Variants in SH3RF1 observed in about 807,000 individuals in gnomAD.
The protein encoded by SH3RF1 is SH3 domain containing ring finger 1.
SH3RF1 carries 32 observed loss-of-function variants against 74.0 expected under a neutral mutation model. That is an observed-to-expected ratio of 0.43 (90% confidence interval 0.33 to 0.58). The LOEUF (loss-of-function observed/expected upper bound fraction) is 0.58. Ranked by LOEUF, SH3RF1 falls within the 20% of genes least tolerant of loss-of-function variation. The pLI is 0.05. For missense variants in SH3RF1, 954 were observed against 1,130.9 expected, an observed-to-expected ratio of 0.84 and a Z score of 2.24; for synonymous variants, 396 against 439.6, an observed-to-expected ratio of 0.90 and a Z score of 1.24.
rs189580491 is a variant in SH3RF1, at chr4:169,214,121, G to A, written c.393+54699C>T. Among the ~76,000 whole-genome samples, 354 of 152,278 alleles carry A rather than the reference G, an allele frequency of 2.3e-3. 1 individual carries two copies. Among genetic ancestry groups the A allele is most frequent in the African/African-American group, 7.6e-3 (316 of 41,554 alleles). On this transcript the variant is annotated intron_variant, in intron 2 of 11. Coordinates refer to ENST00000284637, the MANE Select transcript of SH3RF1 (RefSeq NM_020870.4). ...CTCAATGTTGGAGGTGGGGCCTCGAGGGAAGTGTTTGGGTCATGGGGGCGC... is the reference window on the plus strand; with the variant it reads ...CTCAATGTTGGAGGTGGGGCCTCGAAGGAAGTGTTTGGGTCATGGGGGCGC...
intron 10 of SH3RF1, among the ~76,000 whole-genome samples, chr4:169,110,656 T>G (rs1162237439): frequency 6.6e-6 from 1 of 152,056 alleles, no homozygotes; most frequent in East Asian, 1.9e-4. Context: ...CCTAAAACAC[T>G]GAAGAAAATC....
chr4:169,217,869 A>G (rs1229115966), intron 2 of SH3RF1, among the ~76,000 whole-genome samples: 1 of 152,204 alleles, frequency 6.6e-6, no homozygotes, highest in Admixed American at 6.5e-5. Flanking sequence ...AAACAAAAAA[A>G]AGTTTAATGA....
chr4:169,129,941 C>T, intron 6 of SH3RF1, 105 bp downstream of exon 6: 1 of 840,372 alleles, frequency 1.2e-6, no homozygotes, highest in Non-Finnish European at 1.9e-6. Context: ...CCCACCTCAC[C>T]TAACAAGTAT....
chr4:169,136,734 T>G, intron 4 of SH3RF1, 114 bp from the exon 5 acceptor site: 3 of 1,153,288 alleles, frequency 2.6e-6, no homozygotes, highest in Non-Finnish European at 3.5e-6. Context: ...CTTTAAAGTT[T>G]GCCTATGCAG....
chr4:169,190,995 AG>A (rs1734695271), intron 2 of SH3RF1, among the ~76,000 whole-genome samples: 1 of 152,240 alleles, frequency 6.6e-6, no homozygotes, highest in Non-Finnish European at 1.5e-5. Flanking sequence ...CAATAGATGC[AG>A]AAAAAGCATT....
chr4:169,227,935 T>C (rs1015185438), intron 2 of SH3RF1, among the ~76,000 whole-genome samples: 1 of 152,234 alleles, frequency 6.6e-6, no homozygotes, highest in African/African-American at 2.4e-5. Context: ...AAGGGAACTC[T>C]ACAAATCACA....
At chr4:169,211,595 A>AT (rs1314694107) in intron 2 of SH3RF1, among the ~76,000 whole-genome samples, 1 of 152,216 alleles carries the variant, frequency 6.6e-6, no homozygotes, top group Non-Finnish European at 1.5e-5. Context: ...TCTACTATGA[A>AT]TAAGGGACGA....
At chr4:169,232,718 T>C (rs1730762205) in intron 2 of SH3RF1, among the ~76,000 whole-genome samples, 2 of 152,308 alleles carry the variant, frequency 1.3e-5, no homozygotes, top group East Asian at 1.9e-4. Flanking sequence ...GGGAGTTGAT[T>C]GGGTAAATTT....
chr4:169,246,705 C>T (rs1730999486), intron 2 of SH3RF1, among the ~76,000 whole-genome samples: 1 of 152,196 alleles, frequency 6.6e-6, no homozygotes, highest in African/African-American at 2.4e-5. Context: ...ATCAAATTAC[C>T]AAGGAGCAAA....
intron 2 of SH3RF1, among the ~76,000 whole-genome samples, chr4:169,164,948 G>A (rs1734211294): frequency 6.6e-6 from 1 of 152,170 alleles, no homozygotes. Context: ...GATAGCTATT[G>A]AGAATGCAGT....
rs114144112 is a variant in SH3RF1, at chr4:169,211,645, G to A, written c.394-54966C>T. Among the ~76,000 whole-genome samples, 523 of 152,152 alleles carry A rather than the reference G, an allele frequency of 3.4e-3. 4 individuals are homozygous for A. The highest frequency in any genetic ancestry group is 0.012 in the African/African-American group (506 of 41,540). ...TAGTACAATTCAAATGAAGGCCTGC[G>A]TGCTTCTAGAGCATTTTTCATAATT... On this transcript the variant is annotated intron_variant, in intron 2 of 11. Coordinates refer to ENST00000284637, the MANE Select transcript of SH3RF1 (RefSeq NM_020870.4).
At chr4:169,123,513 A>G (rs1392329204) in intron 6 of SH3RF1, among the ~76,000 whole-genome samples, 1 of 152,230 alleles carries the variant, frequency 6.6e-6, no homozygotes, top group Non-Finnish European at 1.5e-5. Context: ...AGTGCAAACC[A>G]GGAGAAGGCA....
intron 4 of SH3RF1, among the ~76,000 whole-genome samples, chr4:169,139,346 AAC>A (rs1278484585): frequency 6.6e-6 from 1 of 152,224 alleles, no homozygotes; most frequent in East Asian, 1.9e-4. Context: ...GCATAAAAAT[AAC>A]ACAGTGCTTT....
intron 2 of SH3RF1, among the ~76,000 whole-genome samples, chr4:169,183,759 A>AAC (rs1554007658): frequency 8.6e-5 from 13 of 151,680 alleles, no homozygotes; most frequent in South Asian, 2.1e-4. Flanking sequence ...TTAAAAAAAA[A>AAC]AAAACAAAAC....
At chr4:169,251,570 T>C (rs992948326) in intron 2 of SH3RF1, among the ~76,000 whole-genome samples, 1 of 152,224 alleles carries the variant, frequency 6.6e-6, no homozygotes, top group African/African-American at 2.4e-5. Flanking sequence ...GCCTCTGAGG[T>C]TGGCTTTCGT....
chr4:169,155,196 A>C (rs550417431), intron 4 of SH3RF1, among the ~76,000 whole-genome samples: 1 of 152,234 alleles, frequency 6.6e-6, no homozygotes, highest in Admixed American at 6.5e-5. Context: ...AAATGGAATA[A>C]ACAGGAAATA....
chr4:169,249,584 T>C (rs1394548172), intron 2 of SH3RF1, among the ~76,000 whole-genome samples: 1 of 152,204 alleles, frequency 6.6e-6, no homozygotes, highest in Non-Finnish European at 1.5e-5. Flanking sequence ...TCTAATTCTA[T>C]GTGGAAAGCA....
intron 2 of SH3RF1, among the ~76,000 whole-genome samples, chr4:169,263,799 A>G (rs1324597577): frequency 6.6e-6 from 1 of 152,256 alleles, no homozygotes; most frequent in African/African-American, 2.4e-5. Flanking sequence ...AGAAAGTAGT[A>G]GTTTTCCCCT....
At chr4:169,220,696 G>A (rs114359946) in intron 2 of SH3RF1, among the ~76,000 whole-genome samples, 1,820 of 152,210 alleles carry the variant, frequency 0.012, 42 homozygotes, top group African/African-American at 0.041. Flanking sequence ...CAACTGACCC[G>A]CAAACTCTAT....
Sources: allele counts gnomAD v4.1 joint callset (sites outside exome capture counted in the v4.1 genomes callset), GRCh38; gene constraint gnomAD v4.1.1; transcripts MANE v1.5; gene names NCBI Gene and HGNC (gene_info 2026-07-23, HGNC 2026-07-21).